The following STEAP4 variants were observed in gnomAD, a reference collection of about 807,000 sequenced individuals.
STEAP4 encodes metalloreductase STEAP4.
In STEAP4, 36 loss-of-function variants were observed where a neutral mutation model predicts 43.6. That is an observed-to-expected ratio of 0.83 (90% CI 0.63 to 1.09). STEAP4 has a LOEUF of 1.09. Among genes scored for constraint, STEAP4 ranks in the 50% least tolerant of loss-of-function variants. The pLI is 0.00. For synonymous variants in STEAP4, 191 were observed against 196.7 expected (o/e 0.97, Z 0.24); for missense variants, 495 against 546.5 (o/e 0.91, Z 0.94).
At chr7:88,299,137 T>C (rs1852984790) in intron 1 of STEAP4, among the ~76,000 whole-genome samples, 1 of 152,234 alleles carries the variant, frequency 6.6e-6, no homozygotes, top group African/African-American at 2.4e-5. Flanking sequence ...ATGTTAACTA[T>C]TTTAATTGTA....
chr7:88,291,976 A>C (rs1477923591), intron 1 of STEAP4, among the ~76,000 whole-genome samples: 1 of 152,218 alleles, frequency 6.6e-6, no homozygotes, highest in East Asian at 1.9e-4. Flanking sequence ...AAGTGATCTC[A>C]CAAGGGTGTT....
intron 1 of STEAP4, chr7:88,292,406 AT>A (rs1264136955): frequency 6.6e-6 from 1 of 152,004 alleles, no homozygotes; most frequent in African/African-American, 2.4e-5. Flanking sequence ...AAAATAATCT[AT>A]TTTCAGTTCT....
rs1852448098 is a variant in STEAP4 at position 88,272,334 on chromosome 7, G to C, written c.*7064C>G. The C allele has an allele frequency of 6.6e-6, 1 of 152,198 alleles. No individual in the cohort carries two copies. Among genetic ancestry groups the C allele is most frequent in the Non-Finnish European group, 1.5e-5 (1 of 68,032 alleles). 9.4% of individuals were successfully genotyped at this position (152,198 alleles called of 1,614,324 possible). On this transcript the variant is annotated 3_prime_UTR_variant, in exon 5 of 5. Transcript: ENST00000380079. ...AAAACTGAGCTCCAGTTGCCCAGAT[G>C]GGTAACCAGCTTGAAAATTCATACT...
rs1586744384 is a variant in STEAP4, at chr7:88,283,021, A to C, written c.604T>G (p.Phe202Val). The C allele has an allele frequency of 6.2e-7, 1 of 1,613,648 alleles. No homozygotes were observed. The highest frequency in any genetic ancestry group is 8.5e-7 in the Non-Finnish European group (1 of 1,179,838). ...YPLQLFPMWRFPFYLSAVLCV... is the reference protein window; with the variant it reads ...YPLQLFPMWRVPFYLSAVLCV... ...AGCACAGCAGACAAATAGAAGGGGAACCTCCACATTGGAAATAGCTGCAGG... is the reference window on the plus strand; with the variant it reads ...AGCACAGCAGACAAATAGAAGGGGACCCTCCACATTGGAAATAGCTGCAGG... Residue 202 changes from phenylalanine (F) to valine (V), a missense_variant, in exon 3 of 5, where the codon TTC (phenylalanine) becomes GTC (valine). Physicochemically the swap from Phe to Val is conservative, Grantham distance 50 (BLOSUM62 -1). Transcript: ENST00000380079.
intron 1 of STEAP4, among the ~76,000 whole-genome samples, chr7:88,299,992 G>A (rs1282324695): frequency 6.6e-6 from 1 of 152,148 alleles, no homozygotes; most frequent in Non-Finnish European, 1.5e-5. Context: ...GACTCCCCAT[G>A]GCCCCAGTGC....
chr7:88,275,522 A>T lies in STEAP4; in HGVS notation c.*3876T>A, dbSNP rs1852500379. On this transcript the variant is annotated 3_prime_UTR_variant, in exon 5 of 5. Coordinates refer to ENST00000380079, the MANE Select transcript of STEAP4 (RefSeq NM_024636.4). ...GAACAAACCTTTAGAAGAGTGAAGG[A>T]TTTTTCTAGAATGTAAACCTAATTC... 6.6e-6 allele frequency: 1 copy of T among 152,038 alleles called. No homozygotes were observed. The highest frequency in any genetic ancestry group is 2.4e-5 in the African/African-American group (1 of 41,382). The allele number at this position is 152,038 out of a possible 1,614,324, so 9.4% of individuals were successfully genotyped here.
At chr7:88,283,305 A>T in intron 2 of STEAP4, 137 bp from the exon 3 acceptor site, 1 of 917,744 alleles carries the variant, frequency 1.1e-6, no homozygotes, top group Non-Finnish European at 1.5e-6. Context: ...ATGTAGAATT[A>T]ACATATGTAA....
rs748657852 is a variant in STEAP4, at chr7:88,279,575, G to A, written c.1203C>T (p.Tyr401=). 1.7e-5 allele frequency: 27 copies of A among 1,613,744 alleles called. No individual in the cohort carries two copies. Among genetic ancestry groups the A allele is most frequent in the South Asian group, 1.2e-4 (11 of 91,062 alleles). ...LILCTAHTLV[Y]GGKRFLSPSN... ...AAGGGCTGAGGAATCTCTTCCCACC[G>A]TACACCAGGGTGTGGGCTGTACACA... The change falls in exon 5 of 5, where the codon TAC becomes TAT. Residue 401 remains tyrosine (Y), a synonymous_variant. Coordinates refer to ENST00000380079, the MANE Select transcript of STEAP4 (RefSeq NM_024636.4).
At chr7:88,306,410 C>G (rs1290248250) in intron 1 of STEAP4, among the ~76,000 whole-genome samples, 1 of 152,210 alleles carries the variant, frequency 6.6e-6, no homozygotes, top group Non-Finnish European at 1.5e-5. Context: ...AGTGCCTGGT[C>G]AAGAAGCAGC....
chr7:88,279,150 A>G lies in STEAP4; in HGVS notation c.*248T>C, dbSNP rs1852564422. On this transcript the variant is annotated 3_prime_UTR_variant, in exon 5 of 5. Coordinates refer to ENST00000380079, the MANE Select transcript of STEAP4 (RefSeq NM_024636.4). The stretch of plus-strand genomic sequence containing the variant: ...CAAGGCTAGTCTCAATCTCAGCTCC[A>G]TGGCCTCTGGGAAAATAAGAGTCAG... The G allele has an allele frequency of 2.0e-6, 1 of 489,610 alleles. No homozygotes were observed. The highest frequency in any genetic ancestry group is 1.9e-5 in the African/African-American group (1 of 51,454). The allele number at this position is 489,610 out of a possible 1,614,324, so 30.3% of individuals were successfully genotyped here. A position where few individuals can be genotyped will look rare whatever the true frequency, so the allele number is the denominator to read the frequency against.
At chr7:88,280,399 T>C (rs1852597876) in intron 4 of STEAP4, among the ~76,000 whole-genome samples, 1 of 152,226 alleles carries the variant, frequency 6.6e-6, no homozygotes, top group Admixed American at 6.5e-5. Context: ...ATGCAGATGC[T>C]GCTGGTCCTG....
chr7:88,276,141 G>A lies in STEAP4; in HGVS notation c.*3257C>T, dbSNP rs1420012145. On this transcript the variant is annotated 3_prime_UTR_variant, in exon 5 of 5. Transcript: ENST00000380079. The stretch of plus-strand genomic sequence containing the variant: ...TCTCACAAAAATCCAGCGTGGGATA[G>A]TGCAGTCCTCCCCATTTAGCCATCT... The A allele has an allele frequency of 1.3e-5, 2 of 152,284 alleles. No individual in the cohort carries two copies. Among genetic ancestry groups the A allele is most frequent in the Non-Finnish European group, 2.9e-5 (2 of 68,144 alleles). 9.4% of individuals were successfully genotyped at this position (152,284 alleles called of 1,614,324 possible).
At chr7:88,290,686 C>A (rs1852820096) in intron 1 of STEAP4, among the ~76,000 whole-genome samples, 1 of 152,106 alleles carries the variant, frequency 6.6e-6, no homozygotes, top group Admixed American at 6.6e-5. Flanking sequence ...CACAAAGGCA[C>A]CAAAATGACT....
chr7:88,280,195 T>C (rs1205936309), intron 4 of STEAP4, among the ~76,000 whole-genome samples: 1 of 152,258 alleles, frequency 6.6e-6, no homozygotes, highest in African/African-American at 2.4e-5. Context: ...ATTGCAAGAC[T>C]TAAGATTCCA....
intron 1 of STEAP4, among the ~76,000 whole-genome samples, chr7:88,304,639 G>GTT (rs1853097901): frequency 6.7e-6 from 1 of 150,000 alleles, no homozygotes; most frequent in South Asian, 2.1e-4. Context: ...TGTTGCTGCT[G>GTT]TTGTGTGTGT....
At position 88,272,318 on chromosome 7, in the gene STEAP4, C is replaced by T. The variant is rs756193601; in HGVS notation, c.*7080G>A. 1 of 152,260 alleles carries T rather than the reference C, an allele frequency of 6.6e-6. No individual in the cohort carries two copies. The highest frequency in any genetic ancestry group is 1.5e-5 in the Non-Finnish European group (1 of 68,060). 9.4% of individuals were successfully genotyped at this position (152,260 alleles called of 1,614,324 possible). A position where few individuals can be genotyped will look rare whatever the true frequency, so the allele number is the denominator to read the frequency against. ...TCCAGACTTTCCCAGCAAAACTGAG[C>T]TCCAGTTGCCCAGATGGGTAACCAG... On this transcript the variant is annotated 3_prime_UTR_variant, in exon 5 of 5. Coordinates refer to ENST00000380079, the MANE Select transcript of STEAP4 (RefSeq NM_024636.4).
At chr7:88,297,588 C>A (rs1453420736) in intron 1 of STEAP4, among the ~76,000 whole-genome samples, 1 of 152,088 alleles carries the variant, frequency 6.6e-6, no homozygotes, top group Non-Finnish European at 1.5e-5. Flanking sequence ...CACATTTGTA[C>A]TAAAAACACA....
At chr7:88,306,667 G>C (rs532798580) in intron 1 of STEAP4, 125 bp downstream of exon 1, 2 of 152,764 alleles carry the variant, frequency 1.3e-5, no homozygotes, top group South Asian at 4.1e-4. Flanking sequence ...GCCGGGGCGC[G>C]GCGGGGAGTT....
chr7:88,284,580 T>C (rs1486247776), intron 1 of STEAP4, among the ~76,000 whole-genome samples: 1 of 152,102 alleles, frequency 6.6e-6, no homozygotes, highest in African/African-American at 2.4e-5. Context: ...AAATTATAGA[T>C]AAATTCACTT....
Sources: gnomAD v4.1 joint callset for allele counts (sites outside exome capture counted in the v4.1 genomes callset) on GRCh38, gnomAD v4.1.1 for gene constraint, MANE v1.5 for transcripts, NCBI Gene and HGNC (gene_info 2026-07-23, HGNC 2026-07-21) for gene names.